The following ZCWPW1 variants were observed in gnomAD, a reference collection of about 807,000 sequenced individuals.
ZCWPW1 encodes the protein zinc finger CW-type PWWP domain protein 1.
ZCWPW1 carries 56 observed loss-of-function variants against 81.3 expected under a neutral mutation model. The observed-to-expected ratio is 0.69, with a 90% CI of 0.56 to 0.86. The LOEUF (loss-of-function observed/expected upper bound fraction) is 0.86, where lower values mean the gene tolerates loss of function less well. Ranked by LOEUF, ZCWPW1 falls within the 40% of genes least tolerant of loss-of-function variation. The pLI, the probability that ZCWPW1 is intolerant of heterozygous loss-of-function variation, is 0.00. For synonymous variants in ZCWPW1, 250 were observed against 273.7 expected, an observed-to-expected ratio of 0.91 and a Z score of 0.86; for missense variants, 650 against 769.8, an observed-to-expected ratio of 0.84 and a Z score of 1.84.
chr7:100,408,700 C>CT, intron 9 of ZCWPW1, 41 bp from the exon 10 acceptor site: 1 of 1,596,312 alleles, frequency 6.3e-7, no homozygotes, highest in Non-Finnish European at 8.5e-7. Flanking sequence ...GGAAGAGACT[C>CT]TTTAAGAGAA....
At chr7:100,407,424 ACT>A (rs1202425106) in intron 10 of ZCWPW1, 121 bp from the exon 11 acceptor site, 3 of 847,634 alleles carry the variant, frequency 3.5e-6, no homozygotes, top group East Asian at 5.5e-5. Context: ...ACAAGGTCTC[ACT>A]CTGTCACCCA....
intron 1 of ZCWPW1, among the ~76,000 whole-genome samples, chr7:100,426,529 T>C (rs1180174698): frequency 6.6e-6 from 1 of 152,068 alleles, no homozygotes; most frequent in Non-Finnish European, 1.5e-5. Context: ...TTCAAATCTT[T>C]TTTAAGCCAG....
At chr7:100,403,871 C>T in intron 14 of ZCWPW1, 86 bp from the exon 15 acceptor site, 1 of 1,334,568 alleles carries the variant, frequency 7.5e-7, no homozygotes, top group South Asian at 1.2e-5. Context: ...AATCTGTCTT[C>T]TAACTGTGCC....
chr7:100,420,538 G>A (rs757723304), intron 3 of ZCWPW1, 84 bp downstream of exon 3: 63 of 1,542,976 alleles, frequency 4.1e-5, no homozygotes, highest in African/African-American at 9.5e-5. Flanking sequence ...ATAGGGACCC[G>A]TACCATCCTT....
chr7:100,403,850 T>C (rs1792430661), intron 14 of ZCWPW1, 65 bp from the exon 15 acceptor site: 2 of 1,466,664 alleles, frequency 1.4e-6, no homozygotes, highest in South Asian at 1.2e-5. Flanking sequence ...TTAATGAAGC[T>C]GATCACAAAG....
Position 100,406,742 on chromosome 7 carries a change from G to T in ZCWPW1, c.1125C>A (p.Val375=), listed in dbSNP as rs1422090687. ...GCTCCTGGAAGTTCTTTAGCATGTT[G>T]ACTGGGATCCATGCACGAGAAACTG... is the stretch of plus-strand genomic sequence containing the variant. ...GETVSRAWIP[V]NMLKNFQELS... is the part of the protein sequence containing the mutation. The change falls in exon 12 of 18, where the codon GTC becomes GTA. Residue 375 remains valine (V), a synonymous_variant. Coordinates refer to ENST00000684423, the MANE Select transcript of ZCWPW1 (RefSeq NM_001386010.1). 6.2e-7 allele frequency: 1 copy of T among 1,614,144 alleles called. No homozygotes were observed. Among genetic ancestry groups the T allele is most frequent in the Non-Finnish European group, 8.5e-7 (1 of 1,180,020 alleles).
chr7:100,415,530 T>C (rs1795055170), intron 8 of ZCWPW1, among the ~76,000 whole-genome samples: 2 of 152,216 alleles, frequency 1.3e-5, no homozygotes, highest in African/African-American at 2.4e-5. Context: ...GGCTTCCTAA[T>C]TGTGATGTCC....
intron 1 of ZCWPW1, among the ~76,000 whole-genome samples, chr7:100,428,342 T>C (rs567527712): frequency 2.0e-5 from 3 of 152,192 alleles, no homozygotes; most frequent in African/African-American, 7.2e-5. Flanking sequence ...GGAAACAGCG[T>C]CTGCGTTTCC....
intron 8 of ZCWPW1, among the ~76,000 whole-genome samples, chr7:100,412,591 A>AT (rs1484938049): frequency 2.7e-5 from 4 of 149,164 alleles, no homozygotes; most frequent in Admixed American, 2.0e-4. Context: ...TTTTTTATTT[A>AT]TTTTTTTTGA....
intron 8 of ZCWPW1, among the ~76,000 whole-genome samples, chr7:100,412,108 G>A (rs558204173): frequency 6.6e-6 from 1 of 151,688 alleles, no homozygotes; most frequent in Non-Finnish European, 1.5e-5. Flanking sequence ...GGTTCTCTTC[G>A]TTCTTCAATC....
intron 3 of ZCWPW1, 133 bp downstream of exon 3, chr7:100,420,489 T>A (rs1322132451): frequency 3.1e-6 from 3 of 972,684 alleles, no homozygotes; most frequent in Non-Finnish European, 4.8e-6. Context: ...ACTCAAAGCA[T>A]CTAGCAGAGC....
At chr7:100,426,532 T>C (rs1266490263) in intron 1 of ZCWPW1, among the ~76,000 whole-genome samples, 1 of 151,980 alleles carries the variant, frequency 6.6e-6, no homozygotes, top group Non-Finnish European at 1.5e-5. Flanking sequence ...AAATCTTTTT[T>C]AAGCCAGAGT....
intron 2 of ZCWPW1, among the ~76,000 whole-genome samples, chr7:100,421,987 C>G (rs565184482): frequency 6.6e-6 from 1 of 152,178 alleles, no homozygotes; most frequent in African/African-American, 2.4e-5. Context: ...CCACTACACC[C>G]GGCCTGACAT....
intron 1 of ZCWPW1, among the ~76,000 whole-genome samples, 175 bp downstream of exon 1, chr7:100,428,393 G>C (rs75072236): frequency 0.033 from 5,051 of 152,332 alleles, 291 homozygotes; most frequent in African/African-American, 0.12. Context: ...CGAACGTCCC[G>C]GGAAAACTAC....
Position 100,416,367 on chromosome 7 carries a change from T to C in ZCWPW1, c.569A>G (p.Asp190Gly). 1 of 1,614,204 alleles carries C rather than the reference T, an allele frequency of 6.2e-7. No homozygotes were observed. Among genetic ancestry groups the C allele is most frequent in the Non-Finnish European group, 8.5e-7 (1 of 1,180,034 alleles). Residue 190 changes from aspartate (D) to glycine (G), a missense_variant, in exon 7 of 18, where the codon GAT (aspartate) becomes GGT (glycine). Physicochemically the swap from Asp to Gly is moderately conservative, Grantham distance 94. Coordinates refer to ENST00000684423, the MANE Select transcript of ZCWPW1 (RefSeq NM_001386010.1). ...GGATTTCTTCTTAGAGGGTGCAGGA[T>C]CTGGCTGGCCTAACTTAGATGTCCT... ...EIRTSKLGQP[D>G]PAPSKKKSNR... is the part of the protein sequence containing the mutation.
At chr7:100,406,611 G>A in intron 12 of ZCWPW1, 83 bp downstream of exon 12, 2 of 1,300,688 alleles carry the variant, frequency 1.5e-6, no homozygotes, top group Non-Finnish European at 2.2e-6. Context: ...TCCCGACATG[G>A]CTTACCCTGG....
At position 100,419,160 on chromosome 7, in the gene ZCWPW1, A is replaced by C; in HGVS notation, c.312T>G (p.Phe104Leu). Residue 104 changes from phenylalanine to leucine, a missense_variant, in exon 5 of 18, where the codon TTT (phenylalanine) becomes TTG (leucine). Coordinates refer to ENST00000684423, the MANE Select transcript of ZCWPW1 (RefSeq NM_001386010.1). ...GCAGAACAATCTGGACAATCTCCTC[A>C]AATTCTGCATTGGTAAGACTTGATT... Reference protein sequence around the residue: ...KEKSSLTNAEFEEIVQIVLQK... With the variant: ...KEKSSLTNAELEEIVQIVLQK... 1 of 1,613,188 alleles carries C rather than the reference A, an allele frequency of 6.2e-7. No homozygotes were observed. The highest frequency in any genetic ancestry group is 1.1e-5 in the South Asian group (1 of 90,950).
chr7:100,428,273 C>G (rs1203037959), intron 1 of ZCWPW1, among the ~76,000 whole-genome samples: 3 of 152,162 alleles, frequency 2.0e-5, no homozygotes, highest in African/African-American at 4.8e-5. Flanking sequence ...CGAGGACGCC[C>G]TGAGCACTAG....
chr7:100,403,859 A>G, intron 14 of ZCWPW1, 74 bp from the exon 15 acceptor site: 1 of 1,420,718 alleles, frequency 7.0e-7, no homozygotes. Context: ...CTGATCACAA[A>G]GAATCTGTCT....
Sources: gnomAD v4.1 joint callset for allele counts (sites outside exome capture counted in the v4.1 genomes callset) on GRCh38, gnomAD v4.1.1 for gene constraint, MANE v1.5 for transcripts, NCBI Gene and HGNC (gene_info 2026-07-23, HGNC 2026-07-21) for gene names.